The following SGCZ variants were observed in gnomAD, a reference collection of about 807,000 sequenced individuals.
The protein encoded by SGCZ is zeta-sarcoglycan.
A neutral mutation model predicts 41.3 loss-of-function variants in SGCZ; 40 were observed. That is an observed-to-expected ratio of 0.97 (90% confidence interval 0.75 to 1.26). The LOEUF is 1.26. Ranked by LOEUF, SGCZ falls within the 50% of genes most tolerant of loss-of-function variation. The pLI is 0.00. For synonymous variants in SGCZ, 206 were observed against 137.5 expected (o/e 1.50, Z -3.49); for missense variants, 552 against 369.8 (o/e 1.49, Z -4.04).
At chr8:15,199,129 T>C (rs1457226) in intron 1 of SGCZ, among the ~76,000 whole-genome samples, 72,761 of 152,026 alleles carry the variant, frequency 0.48, 17,749 homozygotes, top group East Asian at 0.59. Flanking sequence ...ATAGAAATGA[T>C]ACCCGACATT....
At chr8:14,385,537 A>C (rs952507790) in intron 2 of SGCZ, among the ~76,000 whole-genome samples, 6 of 152,190 alleles carry the variant, frequency 3.9e-5, no homozygotes, top group Non-Finnish European at 1.5e-5. Context: ...TATCGATAGA[A>C]TGAAGTTAGA....
rs576614806 is a variant in SGCZ, at chr8:14,774,116, A to C, written c.40-219190T>G. 6.6e-5 allele frequency among the ~76,000 whole-genome samples: 10 copies of C among 152,276 alleles called. 1 individual carries two copies. In the South Asian group the frequency reaches 2.1e-3, roughly 32 times the overall value. On this transcript the variant is annotated intron_variant, in intron 1 of 7. Coordinates refer to ENST00000382080, the MANE Select transcript of SGCZ (RefSeq NM_139167.4). ...TAAATCACTGGATTTTGAGTAAAGC[A>C]GACTGCCCTCCATAATGTGGGTTAG...
chr8:15,100,693 T>A (rs976604606), intron 1 of SGCZ, among the ~76,000 whole-genome samples: 2 of 152,156 alleles, frequency 1.3e-5, no homozygotes, highest in Non-Finnish European at 2.9e-5. Context: ...ACTTCAAGAC[T>A]TACTGTAGGC....
At chr8:14,496,265 C>T (rs1205079298) in intron 2 of SGCZ, among the ~76,000 whole-genome samples, 1 of 151,888 alleles carries the variant, frequency 6.6e-6, no homozygotes, top group African/African-American at 2.4e-5. Flanking sequence ...GACAAAAATC[C>T]ACTACGTTGC....
At chr8:15,042,690 C>T (rs551934947) in intron 1 of SGCZ, among the ~76,000 whole-genome samples, 6 of 152,016 alleles carry the variant, frequency 3.9e-5, no homozygotes, top group Non-Finnish European at 8.8e-5. Context: ...GCTGTGAAAC[C>T]CTTTATGCAC....
chr8:14,580,469 CATA>C lies in SGCZ; in HGVS notation c.40-25546_40-25544del, dbSNP rs1318394112. ...GTAAGTATATTAAAATTATTCTTAT[CATA>C]ATTATCTGAAGAAAAATTCTAAGGG... On this transcript the variant is annotated intron_variant, in intron 1 of 7. Transcript: ENST00000382080. Among the ~76,000 whole-genome samples, 4 of 152,086 alleles carry C rather than the reference CATA, an allele frequency of 2.6e-5. No individual in the cohort carries two copies. In the East Asian group the frequency reaches 7.8e-4, roughly 29 times the overall value.
intron 2 of SGCZ, among the ~76,000 whole-genome samples, chr8:14,407,330 G>T (rs545598145): frequency 1.1e-4 from 16 of 152,076 alleles, no homozygotes; most frequent in African/African-American, 3.1e-4. Context: ...TTAACTGTAT[G>T]CCACAGCTAA....
intron 5 of SGCZ, among the ~76,000 whole-genome samples, chr8:14,159,812 G>A (rs1054779571): frequency 5.9e-5 from 9 of 152,118 alleles, no homozygotes; most frequent in South Asian, 2.1e-4. Context: ...TGACCCCATC[G>A]CAGTGTGCCA....
intron 1 of SGCZ, among the ~76,000 whole-genome samples, chr8:14,686,923 G>A (rs1004786401): frequency 2.0e-5 from 3 of 151,826 alleles, no homozygotes; most frequent in African/African-American, 7.3e-5. Flanking sequence ...CTGGGTCCCT[G>A]AATTGTACTT....
At chr8:14,347,997 T>G (rs1235755307) in intron 2 of SGCZ, among the ~76,000 whole-genome samples, 3 of 152,100 alleles carry the variant, frequency 2.0e-5, no homozygotes, top group African/African-American at 7.2e-5. Context: ...TTCCCTTGCA[T>G]CATGCACGCT....
In SGCZ at chr8:15,201,772, A is replaced by G. The variant is rs115545336; in HGVS notation, c.39+35813T>C. The stretch of plus-strand genomic sequence containing the variant: ...CCCCACCTTCTGGCTTTTTGGTAAC[A>G]TACTTGAAAAGCAGGATACAGATAT... On this transcript the variant is annotated intron_variant, in intron 1 of 7. Coordinates refer to ENST00000382080, the MANE Select transcript of SGCZ (RefSeq NM_139167.4). Among the ~76,000 whole-genome samples the G allele has an allele frequency of 3.0e-3, 450 of 152,332 alleles. 1 individual carries two copies. Among genetic ancestry groups the G allele is most frequent in the African/African-American group, 0.011 (437 of 41,574 alleles).
chr8:15,008,545 G>GAGGA (rs1802691831), intron 1 of SGCZ, among the ~76,000 whole-genome samples: 1 of 24,226 alleles, frequency 4.1e-5, no homozygotes, highest in Non-Finnish European at 9.0e-5. Flanking sequence ...GGAAGGAAGG[G>GAGGA]AGGGAGTGAG....
At chr8:15,103,631 T>C (rs1478123505) in intron 1 of SGCZ, among the ~76,000 whole-genome samples, 1 of 152,090 alleles carries the variant, frequency 6.6e-6, no homozygotes, top group Non-Finnish European at 1.5e-5. Flanking sequence ...GGTTTGAGTA[T>C]GAAGATAAGG....
intron 1 of SGCZ, among the ~76,000 whole-genome samples, chr8:15,181,758 G>T (rs2099644835): frequency 6.6e-6 from 1 of 152,118 alleles, no homozygotes; most frequent in African/African-American, 2.4e-5. Context: ...ACATACATTT[G>T]TGTTTCTGTC....
At chr8:14,215,860 C>A (rs1805976181) in intron 4 of SGCZ, among the ~76,000 whole-genome samples, 1 of 152,176 alleles carries the variant, frequency 6.6e-6, no homozygotes, top group Admixed American at 6.5e-5. Context: ...AATACCTTGG[C>A]CCAGATGGTG....
In SGCZ at chr8:14,086,297, T is replaced by C. The variant is rs971270190; in HGVS notation, c.*4146A>G. Among the ~76,000 whole-genome samples, 6 of 151,732 alleles carry C rather than the reference T, an allele frequency of 4.0e-5. No homozygotes were observed. Among genetic ancestry groups the C allele is most frequent in the Admixed American group, 1.3e-4 (2 of 15,170 alleles). ...TTAACATTATTATGTTGACATTCTC[T>C]GCTATGAAATATAACACTCATATGC... is the stretch of plus-strand genomic sequence containing the variant. On this transcript the variant is annotated 3_prime_UTR_variant, in exon 8 of 8. Coordinates refer to ENST00000382080, the MANE Select transcript of SGCZ (RefSeq NM_139167.4).
chr8:14,586,843 T>C (rs1805074362), intron 1 of SGCZ, among the ~76,000 whole-genome samples: 1 of 152,148 alleles, frequency 6.6e-6, no homozygotes, highest in Admixed American at 6.6e-5. Flanking sequence ...TTTCCTCAAA[T>C]GCTACTGACA....
chr8:14,369,078 T>A (rs1245063348), intron 2 of SGCZ, among the ~76,000 whole-genome samples: 1 of 150,462 alleles, frequency 6.6e-6, no homozygotes, highest in Non-Finnish European at 1.5e-5. Context: ...GAAACAATAT[T>A]TTCTTATTAA....
At chr8:14,381,737 G>A (rs1018793720) in intron 2 of SGCZ, among the ~76,000 whole-genome samples, 23 of 151,852 alleles carry the variant, frequency 1.5e-4, no homozygotes, top group African/African-American at 5.1e-4. Context: ...AGTGAGCCAT[G>A]ATTGCGCCAC....
Sources: allele counts gnomAD v4.1 joint callset (sites outside exome capture counted in the v4.1 genomes callset), GRCh38; gene constraint gnomAD v4.1.1; transcripts MANE v1.5; gene names NCBI Gene and HGNC (gene_info 2026-07-23, HGNC 2026-07-21).